Variants in TYW1 observed in about 807,000 individuals in gnomAD.
The protein encoded by TYW1 is S-adenosyl-L-methionine-dependent tRNA 4-demethylwyosine synthase TYW1.
In TYW1, 46 loss-of-function variants were observed where a neutral mutation model predicts 96.2. The ratio of observed to expected loss-of-function variants is 0.48; its 90% CI spans 0.38 to 0.61. The LOEUF (loss-of-function observed/expected upper bound fraction) is 0.61. TYW1 is among the 20% of genes least tolerant of loss of function. The pLI is 0.00. For missense variants in TYW1, 684 were observed against 909.6 expected (o/e 0.75, Z 3.19); for synonymous variants, 274 against 323.0 (o/e 0.85, Z 1.63).
chr7:67,213,506 G>A (rs1028179848), intron 15 of TYW1, among the ~76,000 whole-genome samples: 2 of 152,078 alleles, frequency 1.3e-5, no homozygotes, highest in Admixed American at 1.3e-4. Context: ...TCTTAATTAT[G>A]CCCTTCTCAG....
At chr7:67,198,629 C>T (rs1800486011) in intron 15 of TYW1, among the ~76,000 whole-genome samples, 1 of 152,006 alleles carries the variant, frequency 6.6e-6, no homozygotes, top group African/African-American at 2.4e-5. Context: ...AAGGCACATA[C>T]AGCCTCTGTC....
At chr7:67,005,103 C>G (rs1230027398) in intron 3 of TYW1, among the ~76,000 whole-genome samples, 1 of 152,092 alleles carries the variant, frequency 6.6e-6, no homozygotes, top group Non-Finnish European at 1.5e-5. Context: ...CCAATCTCTT[C>G]TGGATTGTAG....
At chr7:67,178,988 A>G (rs112688720) in intron 13 of TYW1, among the ~76,000 whole-genome samples, 14,201 of 110,320 alleles carry the variant, frequency 0.13, 1,169 homozygotes, top group Middle Eastern at 0.21. Context: ...GCTTGGGAGG[A>G]TTTTTGGCTT....
At chr7:67,151,154 G>T (rs189763953) in intron 13 of TYW1, among the ~76,000 whole-genome samples, 1 of 151,774 alleles carries the variant, frequency 6.6e-6, no homozygotes, top group Non-Finnish European at 1.5e-5. Flanking sequence ...GGGTTCAAGC[G>T]ATTCTCCTGC....
chr7:67,104,191 T>C (rs1052572392), intron 12 of TYW1, among the ~76,000 whole-genome samples: 9 of 152,202 alleles, frequency 5.9e-5, no homozygotes, highest in African/African-American at 2.2e-4. Flanking sequence ...CTCCAAAGCA[T>C]GTAACTGTGT....
intron 14 of TYW1, among the ~76,000 whole-genome samples, chr7:67,186,111 G>A (rs1268974990): frequency 4.9e-5 from 7 of 144,110 alleles, no homozygotes; most frequent in African/African-American, 1.8e-4. Flanking sequence ...ATATGTATCA[G>A]CTTAAGCAAA....
intron 15 of TYW1, among the ~76,000 whole-genome samples, chr7:67,229,654 C>CA (rs10661232): frequency 0.021 from 3,139 of 151,616 alleles, 54 homozygotes; most frequent in Non-Finnish European, 0.034. Context: ...ATCAAACAAA[C>CA]AAAAAAAACA....
chr7:67,238,146 C>T (rs570505032), intron 15 of TYW1, among the ~76,000 whole-genome samples, 162 bp from the exon 16 acceptor site: 1 of 151,778 alleles, frequency 6.6e-6, no homozygotes, highest in East Asian at 1.9e-4. Flanking sequence ...GATAGGAAGT[C>T]ATGTCTGGAA....
chr7:67,127,775 G>T (rs1797951269), intron 13 of TYW1, among the ~76,000 whole-genome samples: 2 of 151,940 alleles, frequency 1.3e-5, no homozygotes, highest in Admixed American at 6.6e-5. Flanking sequence ...GATTCCAGTT[G>T]TCTGAAAAAG....
intron 10 of TYW1, among the ~76,000 whole-genome samples, chr7:67,080,608 C>T (rs1354327278): frequency 2.0e-5 from 3 of 152,092 alleles, no homozygotes; most frequent in Non-Finnish European, 4.4e-5. Context: ...CCATGTTGGC[C>T]AGGCTGGTCT....
chr7:67,118,469 A>G (rs1283277190), intron 13 of TYW1, among the ~76,000 whole-genome samples: 4 of 152,178 alleles, frequency 2.6e-5, no homozygotes, highest in Non-Finnish European at 4.4e-5. Context: ...TGGTTGTTAT[A>G]CTGCATTTTA....
intron 11 of TYW1, among the ~76,000 whole-genome samples, chr7:67,090,899 A>T (rs1449762300): frequency 6.6e-6 from 1 of 152,196 alleles, no homozygotes; most frequent in Non-Finnish European, 1.5e-5. Context: ...GTGATCATTA[A>T]AAAGTCAGGA....
intron 7 of TYW1, among the ~76,000 whole-genome samples, chr7:67,044,464 C>T (rs1795126674): frequency 6.6e-6 from 1 of 152,068 alleles, no homozygotes; most frequent in Non-Finnish European, 1.5e-5. Flanking sequence ...GTCTAAGTTT[C>T]CGGGTCTGGA....
At chr7:67,002,205 G>T (rs1793419659) in intron 3 of TYW1, among the ~76,000 whole-genome samples, 1 of 151,656 alleles carries the variant, frequency 6.6e-6, no homozygotes. Context: ...GTGCCACCAT[G>T]CTGGGCTAAT....
intron 13 of TYW1, among the ~76,000 whole-genome samples, chr7:67,122,912 A>G (rs2116008647): frequency 6.6e-6 from 1 of 152,338 alleles, no homozygotes; most frequent in East Asian, 1.9e-4. Context: ...TGAAAATTGA[A>G]TGCAGCCAGA....
At chr7:67,052,374 G>T (rs1445223900) in intron 8 of TYW1, among the ~76,000 whole-genome samples, 3 of 151,942 alleles carry the variant, frequency 2.0e-5, no homozygotes, top group Non-Finnish European at 4.4e-5. Context: ...TTTTCATTTT[G>T]GTTAGTTTCT....
At chr7:67,125,495 C>T (rs1015297561) in intron 13 of TYW1, among the ~76,000 whole-genome samples, 25 of 148,328 alleles carry the variant, frequency 1.7e-4, no homozygotes, top group African/African-American at 4.6e-4. Flanking sequence ...TCCATGCATG[C>T]GTACATTACC....
At chr7:67,097,981 GTGAGCTAC>G (rs1297201924) in intron 11 of TYW1, among the ~76,000 whole-genome samples, 1 of 152,086 alleles carries the variant, frequency 6.6e-6, no homozygotes, top group East Asian at 1.9e-4. Context: ...GATTACAGGT[GTGAGCTAC>G]TGCGCCTGGC....
At chr7:67,193,844 G>A (rs1800302345) in intron 14 of TYW1, among the ~76,000 whole-genome samples, 1 of 136,136 alleles carries the variant, frequency 7.3e-6, no homozygotes, top group Non-Finnish European at 1.6e-5. Flanking sequence ...ATATGTATTT[G>A]TGTGTGTTTG....
Sources: allele counts gnomAD v4.1 joint callset (sites outside exome capture counted in the v4.1 genomes callset), GRCh38; gene constraint gnomAD v4.1.1; transcripts MANE v1.5; gene names NCBI Gene and HGNC (gene_info 2026-07-23, HGNC 2026-07-21).